SLC10A7: variants seen among roughly 807,000 people sequenced by gnomAD.
The protein encoded by SLC10A7 is solute carrier family 10 member 7.
Under a neutral mutation model 43.2 loss-of-function variants are expected in SLC10A7, and 29 were observed. The observed-to-expected ratio is 0.67, with a 90% CI of 0.50 to 0.92. The LOEUF (loss-of-function observed/expected upper bound fraction) is 0.92, where lower values mean the gene tolerates loss of function less well. Ranked by LOEUF, SLC10A7 falls within the 40% of genes least tolerant of loss-of-function variation. SLC10A7 has a pLI of 0.00. For synonymous variants in SLC10A7, 152 were observed against 144.8 expected, an observed-to-expected ratio of 1.05 and a Z score of -0.35; for missense variants, 295 against 403.2, an observed-to-expected ratio of 0.73 and a Z score of 2.30.
chr4:146,400,141 G>C (rs1739126999), intron 5 of SLC10A7, among the ~76,000 whole-genome samples: 1 of 152,138 alleles, frequency 6.6e-6, no homozygotes, highest in Non-Finnish European at 1.5e-5. Context: ...GAAATGAAAA[G>C]AGAAACATGT....
At chr4:146,346,575 G>A (rs11736003) in intron 5 of SLC10A7, among the ~76,000 whole-genome samples, 34,047 of 151,652 alleles carry the variant, frequency 0.22, 4,090 homozygotes, top group African/African-American at 0.31. Context: ...TTTTCAACTC[G>A]GTTTAATTTC....
intron 5 of SLC10A7, among the ~76,000 whole-genome samples, chr4:146,438,735 G>A (rs1056301403): frequency 1.1e-4 from 17 of 151,934 alleles, no homozygotes; most frequent in Admixed American, 1.3e-4. Context: ...AATCAAAAAT[G>A]CTAAGTTCTA....
intron 5 of SLC10A7, among the ~76,000 whole-genome samples, chr4:146,363,576 C>T (rs1398601678): frequency 6.6e-6 from 1 of 152,098 alleles, no homozygotes; most frequent in Non-Finnish European, 1.5e-5. Context: ...AGCAATGGAA[C>T]ATTTTGAAGA....
At chr4:146,397,014 T>C (rs1205046893) in intron 5 of SLC10A7, among the ~76,000 whole-genome samples, 21 of 152,192 alleles carry the variant, frequency 1.4e-4, no homozygotes, top group Admixed American at 1.4e-3. Flanking sequence ...AATTAGATTT[T>C]CAAATTCCAT....
At chr4:146,376,846 A>G (rs575550524) in intron 5 of SLC10A7, among the ~76,000 whole-genome samples, 2 of 152,258 alleles carry the variant, frequency 1.3e-5, no homozygotes, top group East Asian at 3.9e-4. Flanking sequence ...TCCCGTTTTT[A>G]TTGGCTGGAA....
Position 146,325,824 on chromosome 4 carries a change from G to T in SLC10A7, c.471+137C>A, listed in dbSNP as rs112028240. The T allele has an allele frequency of 1.1e-5, 8 of 760,438 alleles. No individual in the cohort carries two copies. In the East Asian group the frequency reaches 2.2e-4, roughly 21 times the overall value. 47.1% of individuals were successfully genotyped at this position (760,438 alleles called of 1,614,324 possible). On this transcript the variant is annotated intron_variant, in intron 6 of 11. Coordinates refer to ENST00000335472, the MANE Select transcript of SLC10A7 (RefSeq NM_001029998.6). ...TCTTCGTATCTGAATATTATTATGC[G>T]GTACAGCTAAACTGGAACAACAATT...
chr4:146,350,214 A>T (rs929951258), intron 5 of SLC10A7, among the ~76,000 whole-genome samples: 4 of 150,454 alleles, frequency 2.7e-5, no homozygotes, highest in African/African-American at 9.8e-5. Flanking sequence ...GCATTGCCTC[A>T]CCTGGGAAGC....
intron 7 of SLC10A7, among the ~76,000 whole-genome samples, chr4:146,300,011 G>T (rs1183788867): frequency 6.6e-6 from 1 of 152,198 alleles, no homozygotes; most frequent in Non-Finnish European, 1.5e-5. Context: ...TTTAACCAGG[G>T]TTGGGGCTTT....
chr4:146,394,725 TAC>T (rs1471328170), intron 5 of SLC10A7, among the ~76,000 whole-genome samples: 3 of 152,036 alleles, frequency 2.0e-5, no homozygotes, highest in African/African-American at 7.2e-5. Flanking sequence ...TCCAAACATG[TAC>T]ACACACAATA....
chr4:146,477,467 C>A (rs962111636), intron 4 of SLC10A7, among the ~76,000 whole-genome samples: 2 of 152,190 alleles, frequency 1.3e-5, no homozygotes, highest in African/African-American at 4.8e-5. Context: ...TCATCCCTTG[C>A]ATAAATTCAG....
intron 5 of SLC10A7, among the ~76,000 whole-genome samples, chr4:146,327,762 T>C (rs1047703256): frequency 3.3e-5 from 5 of 152,222 alleles, no homozygotes; most frequent in African/African-American, 1.2e-4. Context: ...CTGCCACAAC[T>C]ACCTGTGCGC....
chr4:146,511,665 C>T (rs533364472), intron 2 of SLC10A7, among the ~76,000 whole-genome samples: 6 of 152,252 alleles, frequency 3.9e-5, no homozygotes, highest in Admixed American at 6.5e-5. Flanking sequence ...GAATTTCTAG[C>T]GATCTGAGTA....
chr4:146,295,712 C>G (rs977627324), intron 7 of SLC10A7, among the ~76,000 whole-genome samples: 5 of 152,038 alleles, frequency 3.3e-5, no homozygotes, highest in Admixed American at 6.6e-5. Flanking sequence ...ATTTCATAAT[C>G]TATTGTGTTT....
chr4:146,491,882 T>G (rs545201484), intron 4 of SLC10A7, among the ~76,000 whole-genome samples: 7 of 152,132 alleles, frequency 4.6e-5, no homozygotes, highest in African/African-American at 1.2e-4. Flanking sequence ...TGCTTGAAAA[T>G]CTCATTGCAC....
chr4:146,441,559 A>G (rs1199435656), intron 5 of SLC10A7: 1 of 612,156 alleles, frequency 1.6e-6, no homozygotes, highest in African/African-American at 2.0e-5. Context: ...TGTTTTACAG[A>G]TATTATTCTA....
intron 6 of SLC10A7, among the ~76,000 whole-genome samples, chr4:146,315,285 C>T (rs1004369190): frequency 1.3e-5 from 2 of 152,146 alleles, no homozygotes; most frequent in Admixed American, 6.6e-5. Flanking sequence ...CCATCCTATA[C>T]TACTTTTCAA....
At chr4:146,316,409 G>A (rs1353679958) in intron 6 of SLC10A7, among the ~76,000 whole-genome samples, 4 of 152,004 alleles carry the variant, frequency 2.6e-5, no homozygotes, top group Non-Finnish European at 5.9e-5. Flanking sequence ...GAGACCTTAT[G>A]AATGAATTAG....
intron 6 of SLC10A7, among the ~76,000 whole-genome samples, chr4:146,323,832 G>A (rs1413663221): frequency 1.3e-5 from 2 of 152,108 alleles, no homozygotes; most frequent in Admixed American, 1.3e-4. Flanking sequence ...GGGCAATCAG[G>A]CAGGAGAAAG....
At chr4:146,368,785 G>A (rs1463427524) in intron 5 of SLC10A7, among the ~76,000 whole-genome samples, 1 of 151,936 alleles carries the variant, frequency 6.6e-6, no homozygotes, top group East Asian at 1.9e-4. Context: ...AAATAACCTG[G>A]GAAAAAAATG....
Sources: gnomAD v4.1 joint callset for allele counts (sites outside exome capture counted in the v4.1 genomes callset) on GRCh38, gnomAD v4.1.1 for gene constraint, MANE v1.5 for transcripts, NCBI Gene and HGNC (gene_info 2026-07-23, HGNC 2026-07-21) for gene names.